DNAH11: variants seen among roughly 807,000 people sequenced by gnomAD.
DNAH11 encodes the protein dynein axonemal heavy chain 11.
A neutral mutation model predicts 526.0 loss-of-function variants in DNAH11; 442 were observed. That is an observed-to-expected ratio of 0.84 (90% CI 0.78 to 0.91). DNAH11 has a LOEUF of 0.91. Ranked by LOEUF, DNAH11 falls within the 40% of genes least tolerant of loss-of-function variation. The pLI is 0.00. For synonymous variants in DNAH11, 2,461 were observed against 1,935.9 expected, an observed-to-expected ratio of 1.27 and a Z score of -7.12; for missense variants, 6,989 against 5,448.7, an observed-to-expected ratio of 1.28 and a Z score of -8.90.
chr7:21,627,021 T>G (rs1202654176), intron 25 of DNAH11, among the ~76,000 whole-genome samples: 1 of 152,140 alleles, frequency 6.6e-6, no homozygotes, highest in Non-Finnish European at 1.5e-5. Flanking sequence ...AGTGTGGGAT[T>G]ACAGGCATAA....
intron 51 of DNAH11, 115 bp downstream of exon 51, chr7:21,745,178 G>T (rs1375088684): frequency 9.6e-7 from 1 of 1,041,120 alleles, no homozygotes; most frequent in African/African-American, 1.6e-5. Context: ...CTTATCTGCT[G>T]TTTGACATAT....
chr7:21,565,287 C>T lies in DNAH11; in HGVS notation c.1194+890C>T, dbSNP rs1016338735. On this transcript the variant is annotated intron_variant, in intron 6 of 81. Transcript: ENST00000409508. ...CCTCTTGTAAGACCACAGGTCCTGT[C>T]GGATTAAGGCCCCATCTTTACAACC... Among the ~76,000 whole-genome samples, 3 of 152,074 alleles carry T rather than the reference C, an allele frequency of 2.0e-5. No homozygotes were observed. In the South Asian group the frequency reaches 6.2e-4, roughly 32 times the overall value.
At chr7:21,571,750 T>C (rs1281237377) in intron 7 of DNAH11, 56 bp from the exon 8 acceptor site, 3 of 1,347,480 alleles carry the variant, frequency 2.2e-6, no homozygotes, top group South Asian at 2.0e-5. Flanking sequence ...TTTGAAACTT[T>C]AAAATATTTT....
intron 6 of DNAH11, among the ~76,000 whole-genome samples, chr7:21,567,540 A>G (rs1401817284): frequency 2.0e-5 from 3 of 152,212 alleles, no homozygotes; most frequent in Non-Finnish European, 4.4e-5. Context: ...CTGAAAACTC[A>G]GAGATCTTGC....
intron 81 of DNAH11, chr7:21,900,801 G>T: frequency 3.2e-6 from 2 of 623,888 alleles, no homozygotes; most frequent in Non-Finnish European, 5.0e-6. Context: ...TAACCACTAC[G>T]CATGGAAGCA....
At chr7:21,661,431 A>G (rs1467185621) in intron 30 of DNAH11, among the ~76,000 whole-genome samples, 2 of 151,986 alleles carry the variant, frequency 1.3e-5, no homozygotes, top group African/African-American at 4.8e-5. Flanking sequence ...TGGGTATAGA[A>G]TTCTAAGTTG....
In DNAH11 at chr7:21,690,890, T is replaced by TAA; in HGVS notation, c.6041+10_6041+11insAA. The TAA allele has an allele frequency of 6.2e-7, 1 of 1,602,086 alleles. No homozygotes were observed. ...CTCAAAGCTCTTTTCAGGCAAGTGT[T>TAA]ATGCTTTGTGGCTTAGCATCTGGTG... is the stretch of plus-strand genomic sequence containing the variant. On this transcript the variant is annotated intron_variant, in intron 35 of 81. Coordinates refer to ENST00000409508, the MANE Select transcript of DNAH11 (RefSeq NM_001277115.2).
intron 20 of DNAH11, among the ~76,000 whole-genome samples, chr7:21,611,456 C>T (rs1785519615): frequency 6.6e-6 from 1 of 152,124 alleles, no homozygotes. Context: ...AGCCAATACC[C>T]CTAATGAAAC....
At chr7:21,832,221 A>G (rs1236548684) in intron 65 of DNAH11, among the ~76,000 whole-genome samples, 1 of 152,148 alleles carries the variant, frequency 6.6e-6, no homozygotes, top group East Asian at 1.9e-4. Flanking sequence ...TCCTGTCATT[A>G]TGATGCTAGC....
intron 8 of DNAH11, among the ~76,000 whole-genome samples, chr7:21,578,628 G>T (rs1784192165): frequency 6.6e-6 from 1 of 152,132 alleles, no homozygotes; most frequent in African/African-American, 2.4e-5. Context: ...TCTGTGTGGG[G>T]GCTCCAACCC....
chr7:21,668,912 C>G lies in DNAH11; in HGVS notation c.5328+9881C>G, dbSNP rs557392981. ...TTTAACCATTTAAGAAACAGTCAAACAGTTCTCTATTGTTAATACTACCAT... is the reference window on the plus strand; with the variant it reads ...TTTAACCATTTAAGAAACAGTCAAAGAGTTCTCTATTGTTAATACTACCAT... On this transcript the variant is annotated intron_variant, in intron 30 of 81. Transcript: ENST00000409508. Among the ~76,000 whole-genome samples the G allele has an allele frequency of 2.0e-5, 3 of 152,248 alleles. No homozygotes were observed. The South Asian group carries it at 6.2e-4, about 32-fold the overall frequency.
In DNAH11 at chr7:21,848,466, A is replaced by G. The variant is rs182082865; in HGVS notation, c.10897-4001A>G. On this transcript the variant is annotated intron_variant, in intron 66 of 81. Transcript: ENST00000409508. ...AGAGATTGTTGCTATAATTAGATCA[A>G]TATCTACCGTATTTTTATTGGGTTT... Among the ~76,000 whole-genome samples the G allele has an allele frequency of 5.6e-4, 85 of 152,184 alleles. 1 individual carries two copies. The highest frequency in any genetic ancestry group is 1.1e-3 in the Admixed American group (17 of 15,286).
At chr7:21,572,455 AG>A (rs1182052619) in intron 8 of DNAH11, among the ~76,000 whole-genome samples, 2 of 152,154 alleles carry the variant, frequency 1.3e-5, no homozygotes, top group African/African-American at 4.8e-5. Flanking sequence ...ACCACAGGAA[AG>A]GGGGAACCTT....
At chr7:21,793,188 G>A (rs1163270803) in intron 61 of DNAH11, among the ~76,000 whole-genome samples, 1 of 152,096 alleles carries the variant, frequency 6.6e-6, no homozygotes, top group Non-Finnish European at 1.5e-5. Flanking sequence ...CTTTCCTCTT[G>A]TTTTTCATTT....
intron 25 of DNAH11, among the ~76,000 whole-genome samples, chr7:21,627,332 C>T (rs747901877): frequency 2.3e-4 from 35 of 152,110 alleles, no homozygotes; most frequent in Admixed American, 5.2e-4. Context: ...AAGTCTTACA[C>T]ACACACACAA....
chr7:21,745,506 G>T (rs968823414), intron 51 of DNAH11, among the ~76,000 whole-genome samples: 1 of 152,158 alleles, frequency 6.6e-6, no homozygotes, highest in African/African-American at 2.4e-5. Flanking sequence ...CTTGGATAGA[G>T]CATGGCTGAC....
At chr7:21,568,732 G>A (rs1169530301) in intron 6 of DNAH11, among the ~76,000 whole-genome samples, 2 of 152,156 alleles carry the variant, frequency 1.3e-5, no homozygotes, top group African/African-American at 4.8e-5. Flanking sequence ...TTACATACAA[G>A]TAATTAGGTA....
At chr7:21,782,961 G>A (rs1273704850) in intron 57 of DNAH11, among the ~76,000 whole-genome samples, 1 of 150,710 alleles carries the variant, frequency 6.6e-6, no homozygotes, top group African/African-American at 2.4e-5. Context: ...TACTCTTTAA[G>A]GTTTTATCCA....
At chr7:21,677,282 A>G (rs1471031515) in intron 30 of DNAH11, among the ~76,000 whole-genome samples, 2 of 151,784 alleles carry the variant, frequency 1.3e-5, no homozygotes, top group Non-Finnish European at 2.9e-5. Flanking sequence ...CATCATTCAA[A>G]CAACATGAGC....
Sources: gnomAD v4.1 joint callset for allele counts (sites outside exome capture counted in the v4.1 genomes callset) on GRCh38, gnomAD v4.1.1 for gene constraint, MANE v1.5 for transcripts, NCBI Gene and HGNC (gene_info 2026-07-23, HGNC 2026-07-21) for gene names.